The following ANK2 variants were observed in gnomAD, a reference collection of about 807,000 sequenced individuals.
ANK2 encodes ankyrin 2, also known as ankyrin-2.
A neutral mutation model predicts 360.5 loss-of-function variants in ANK2; 83 were observed. The ratio of observed to expected loss-of-function variants is 0.23; its 90% CI spans 0.19 to 0.28. The LOEUF (loss-of-function observed/expected upper bound fraction) is 0.28, where lower values mean the gene tolerates loss of function less well. Among genes scored for constraint, ANK2 ranks in the 10% least tolerant of loss-of-function variants. ANK2 has a pLI of 1.00. For missense variants in ANK2, 4,201 were observed against 4,795.7 expected, an observed-to-expected ratio of 0.88 and a Z score of 3.66; for synonymous variants, 1,740 against 1,759.5, an observed-to-expected ratio of 0.99 and a Z score of 0.28.
chr4:112,712,404 ATATTTT>A, the ANK2 span, among the ~76,000 whole-genome samples: 4,005 of 52,430 alleles, frequency 0.076, 86 homozygotes, highest in Middle Eastern at 0.24. Flanking sequence ...ATATATATAT[ATATTTT>A]TTTTTTTTTT....
chr4:113,289,215 C>CTTTTTTT (rs33910138), intron 20 of ANK2, among the ~76,000 whole-genome samples: 6 of 132,264 alleles, frequency 4.5e-5, no homozygotes, highest in Non-Finnish European at 6.3e-5. Context: ...ATTTCTTTTT[C>CTTTTTTT]TTTTTTTTTT....
intron 1 of ANK2, among the ~76,000 whole-genome samples, chr4:113,050,320 C>T (rs1204862642): frequency 1.3e-5 from 2 of 152,122 alleles, no homozygotes; most frequent in East Asian, 1.9e-4. Context: ...ATATCATCCC[C>T]AGCATGATAT....
At chr4:112,921,674 A>T (rs1353455695) in intron 2 of ANK2, among the ~76,000 whole-genome samples, 2 of 149,866 alleles carry the variant, frequency 1.3e-5, no homozygotes, top group Non-Finnish European at 2.9e-5. Flanking sequence ...GAGAATTTAA[A>T]ATACCATTCT....
chr4:113,257,233 A>G (rs1443554219), intron 11 of ANK2, among the ~76,000 whole-genome samples: 7 of 152,350 alleles, frequency 4.6e-5, no homozygotes, highest in African/African-American at 1.4e-4. Flanking sequence ...AAAAAAATAT[A>G]TAATACACGA....
chr4:113,080,782 C>G (rs1410200470), intron 1 of ANK2, among the ~76,000 whole-genome samples: 1 of 152,088 alleles, frequency 6.6e-6, no homozygotes, highest in Non-Finnish European at 1.5e-5. Flanking sequence ...CCCTGTAGAA[C>G]TGTGTTTGGA....
chr4:113,003,662 C>T (rs1391974990), intron 2 of ANK2, among the ~76,000 whole-genome samples: 2 of 152,178 alleles, frequency 1.3e-5, no homozygotes, highest in African/African-American at 4.8e-5. Flanking sequence ...GTCAGTGGTC[C>T]AGTTTGAGAA....
intron 4 of ANK2, among the ~76,000 whole-genome samples, chr4:113,225,362 C>A (rs1023881400): frequency 6.6e-6 from 1 of 151,960 alleles, no homozygotes; most frequent in Non-Finnish European, 1.5e-5. Flanking sequence ...GAGAGCAGGA[C>A]CCCCCAGTGC....
At chr4:112,755,660 T>G in the ANK2 span, among the ~76,000 whole-genome samples, 1 of 152,302 alleles carries the variant, frequency 6.6e-6, no homozygotes, top group South Asian at 2.1e-4. Flanking sequence ...ATGTCATCAG[T>G]TAAGGCTATT....
At chr4:113,335,549 A>C (rs2093409297) in intron 29 of ANK2, among the ~76,000 whole-genome samples, 2 of 152,192 alleles carry the variant, frequency 1.3e-5, no homozygotes, top group South Asian at 2.1e-4. Context: ...CTCATTTCAA[A>C]GGTGGCCCTG....
intron 2 of ANK2, among the ~76,000 whole-genome samples, chr4:113,187,780 G>A (rs1257661121): frequency 2.0e-5 from 3 of 152,244 alleles, no homozygotes; most frequent in South Asian, 2.1e-4. Flanking sequence ...CAAGACCCAG[G>A]ATTGACACAT....
At position 113,173,789 on chromosome 4, in the gene ANK2, C is replaced by G. The variant is rs150374952; in HGVS notation, c.85-627C>G. 1.5e-4 allele frequency among the ~76,000 whole-genome samples: 23 copies of G among 152,232 alleles called. 1 individual carries two copies. In the East Asian group the frequency reaches 4.4e-3, roughly 29 times the overall value. ...TTATGTCAGGTGGTTTAAATTTAAT[C>G]ATGTTTATCCAGAATCACTGGGATC... On this transcript the variant is annotated intron_variant, in intron 1 of 45. Coordinates refer to ENST00000357077, the MANE Select transcript of ANK2 (RefSeq NM_001148.6).
At chr4:113,343,290 C>G in intron 34 of ANK2, 148 bp downstream of exon 34, 1 of 861,812 alleles carries the variant, frequency 1.2e-6, no homozygotes. Context: ...CCCTGGGAAA[C>G]AAATCATTTT....
Position 113,134,461 on chromosome 4 carries a change from A to T in ANK2, c.85-39955A>T, listed in dbSNP as rs142383519. Among the ~76,000 whole-genome samples the T allele has an allele frequency of 2.2e-4, 33 of 151,924 alleles. No homozygotes were observed. The East Asian group carries it at 6.2e-3, about 29-fold the overall frequency. ...GCTCTGCTGAACAATGAGGCCAAGGATCTGGAAGACATCTTTATACCATAG... is the reference window on the plus strand; with the variant it reads ...GCTCTGCTGAACAATGAGGCCAAGGTTCTGGAAGACATCTTTATACCATAG... On this transcript the variant is annotated intron_variant, in intron 1 of 45. Coordinates refer to ENST00000357077, the MANE Select transcript of ANK2 (RefSeq NM_001148.6).
At chr4:112,957,543 CG>C (rs1383922111) in intron 2 of ANK2, among the ~76,000 whole-genome samples, 1 of 152,110 alleles carries the variant, frequency 6.6e-6, no homozygotes, top group Non-Finnish European at 1.5e-5. Context: ...ACCTCCCAGA[CG>C]GGGTGGTGGC....
At chr4:112,912,338 A>G (rs2087898408) in intron 2 of ANK2, among the ~76,000 whole-genome samples, 1 of 152,330 alleles carries the variant, frequency 6.6e-6, no homozygotes, top group African/African-American at 2.4e-5. Flanking sequence ...CTTATTTTCT[A>G]TGAAAAGATG....
At chr4:112,919,318 G>A (rs2090830178) in intron 2 of ANK2, among the ~76,000 whole-genome samples, 1 of 151,960 alleles carries the variant, frequency 6.6e-6, no homozygotes, top group African/African-American at 2.4e-5. Context: ...CTTTATCACA[G>A]TTATTTTTAT....
At chr4:112,836,780 A>G (rs1338302608) in intron 1 of ANK2, among the ~76,000 whole-genome samples, 1 of 152,218 alleles carries the variant, frequency 6.6e-6, no homozygotes, top group Non-Finnish European at 1.5e-5. Context: ...CTAAGCAGCA[A>G]ACCATTCAAG....
intron 39 of ANK2, 60 bp downstream of exon 39, chr4:113,360,957 T>A: frequency 7.0e-7 from 1 of 1,436,396 alleles, no homozygotes; most frequent in Non-Finnish European, 9.7e-7. Context: ...CAGTCAGGTG[T>A]CATTCACAGC....
intron 3 of ANK2, 62 bp from the exon 4 acceptor site, chr4:113,198,949 C>T (rs1468343614): frequency 3.6e-6 from 5 of 1,380,976 alleles, no homozygotes; most frequent in Non-Finnish European, 5.2e-6. Flanking sequence ...AATGCCTGCA[C>T]ATTTTGATTT....
Sources: gnomAD v4.1 joint callset for allele counts (sites outside exome capture counted in the v4.1 genomes callset) on GRCh38, gnomAD v4.1.1 for gene constraint, MANE v1.5 for transcripts, NCBI Gene and HGNC (gene_info 2026-07-23, HGNC 2026-07-21) for gene names.